The following ENTREP2 variants were observed in gnomAD, a reference collection of about 807,000 sequenced individuals.
ENTREP2 encodes protein ENTREP2.
At chr15:29,212,423 G>T in the ENTREP2 span, among the ~76,000 whole-genome samples, 1 of 152,068 alleles carries the variant, frequency 6.6e-6, no homozygotes, top group East Asian at 1.9e-4. Context: ...TCTTTTCAAA[G>T]AACCGGCTTT....
At chr15:29,408,576 C>A in the ENTREP2 span, among the ~76,000 whole-genome samples, 1 of 152,170 alleles carries the variant, frequency 6.6e-6, no homozygotes, top group Non-Finnish European at 1.5e-5. Flanking sequence ...ACTCCTGTAT[C>A]ATTTTGCAAT....
At chr15:29,422,820 C>A in the ENTREP2 span, among the ~76,000 whole-genome samples, 1 of 151,948 alleles carries the variant, frequency 6.6e-6, no homozygotes, top group Non-Finnish European at 1.5e-5. Flanking sequence ...CATGATGGAT[C>A]CAGGGGGATG....
At chr15:29,366,169 G>A in the ENTREP2 span, among the ~76,000 whole-genome samples, 1 of 152,120 alleles carries the variant, frequency 6.6e-6, no homozygotes, top group Non-Finnish European at 1.5e-5. Flanking sequence ...CGCCTCCCAG[G>A]TTCAAGCGAT....
At chr15:29,207,434 G>A in the ENTREP2 span, among the ~76,000 whole-genome samples, 1 of 122,396 alleles carries the variant, frequency 8.2e-6, no homozygotes, top group African/African-American at 3.1e-5. Context: ...TACGAGCGGT[G>A]TGCCGCTGCC....
At chr15:29,318,054 G>T in the ENTREP2 span, among the ~76,000 whole-genome samples, 3 of 152,060 alleles carry the variant, frequency 2.0e-5, no homozygotes, top group Admixed American at 6.6e-5. Context: ...TAAATTTTCC[G>T]CGTTTCCAGA....
At chr15:29,207,153 G>A in the ENTREP2 span, among the ~76,000 whole-genome samples, 4 of 152,166 alleles carry the variant, frequency 2.6e-5, no homozygotes, top group African/African-American at 7.2e-5. Context: ...TTCCTGGAGA[G>A]ATGCTGAATG....
At chr15:29,578,455 GGCACATATAGAA>G in the ENTREP2 span, among the ~76,000 whole-genome samples, 3 of 152,156 alleles carry the variant, frequency 2.0e-5, no homozygotes, top group African/African-American at 7.2e-5. Flanking sequence ...TGGAGAATCA[GGCACATATAGAA>G]TTTTGACTTG....
the ENTREP2 span, among the ~76,000 whole-genome samples, chr15:29,524,912 G>A: frequency 1.3e-5 from 2 of 152,248 alleles, no homozygotes; most frequent in Non-Finnish European, 2.9e-5. Context: ...CGGCTCGAAT[G>A]CCTGGGTTTA....
the ENTREP2 span, among the ~76,000 whole-genome samples, chr15:29,647,714 C>T: frequency 1.3e-5 from 2 of 152,268 alleles, no homozygotes; most frequent in South Asian, 4.1e-4. Context: ...GGTACAATTT[C>T]ATTCAATATA....
At chr15:29,574,286 T>G in the ENTREP2 span, among the ~76,000 whole-genome samples, 1 of 148,040 alleles carries the variant, frequency 6.8e-6, no homozygotes, top group Non-Finnish European at 1.5e-5. Flanking sequence ...TTCTTTTGGG[T>G]TTTGTTTCTT....
chr15:29,252,033 A>G, the ENTREP2 span, among the ~76,000 whole-genome samples: 1 of 152,210 alleles, frequency 6.6e-6, no homozygotes, highest in Non-Finnish European at 1.5e-5. Context: ...TTCAATACAA[A>G]TAAGAATCAA....
chr15:29,539,852 G>A, the ENTREP2 span, among the ~76,000 whole-genome samples: 2 of 152,114 alleles, frequency 1.3e-5, no homozygotes, highest in Non-Finnish European at 2.9e-5. Context: ...GACAGATGAC[G>A]GATGACACTC....
At chr15:29,468,699 T>G in the ENTREP2 span, among the ~76,000 whole-genome samples, 1 of 152,096 alleles carries the variant, frequency 6.6e-6, no homozygotes, top group Non-Finnish European at 1.5e-5. Flanking sequence ...GTGTCTGAAG[T>G]TGCTTTTCAA....
At chr15:29,566,079 T>C in the ENTREP2 span, among the ~76,000 whole-genome samples, 1 of 152,202 alleles carries the variant, frequency 6.6e-6, no homozygotes, top group African/African-American at 2.4e-5. Flanking sequence ...GTAATGTTGG[T>C]GGTCTATGGG....
At chr15:29,222,347 A>G in the ENTREP2 span, among the ~76,000 whole-genome samples, 1 of 152,212 alleles carries the variant, frequency 6.6e-6, no homozygotes, top group African/African-American at 2.4e-5. Flanking sequence ...TTAGCATATC[A>G]TCACGAAATT....
chr15:29,234,185 T>C, the ENTREP2 span: 1 of 1,603,290 alleles, frequency 6.2e-7, no homozygotes, highest in Middle Eastern at 1.7e-4. Flanking sequence ...GGGTCCAGTA[T>C]CTGACCAATC....
chr15:29,530,999 G>C, the ENTREP2 span, among the ~76,000 whole-genome samples: 1 of 152,144 alleles, frequency 6.6e-6, no homozygotes, highest in Non-Finnish European at 1.5e-5. Flanking sequence ...CCCAAGTCTG[G>C]GACCAATGAC....
the ENTREP2 span, among the ~76,000 whole-genome samples, chr15:29,434,275 T>C: frequency 6.6e-6 from 1 of 152,236 alleles, no homozygotes; most frequent in East Asian, 1.9e-4. Context: ...TGGAAGAGAC[T>C]GTTGTTCTGT....
the ENTREP2 span, among the ~76,000 whole-genome samples, chr15:29,303,868 A>G: frequency 1.3e-5 from 2 of 151,922 alleles, no homozygotes; most frequent in South Asian, 2.1e-4. Flanking sequence ...GTTTATATGT[A>G]CCACATTTTC....
Sources: gnomAD v4.1 joint callset for allele counts (sites outside exome capture counted in the v4.1 genomes callset) on GRCh38, gnomAD v4.1.1 for gene constraint, MANE v1.5 for transcripts, NCBI Gene and HGNC (gene_info 2026-07-23, HGNC 2026-07-21) for gene names.